Variants in PLEKHD1 observed in about 807,000 individuals in gnomAD.
PLEKHD1 encodes the protein pleckstrin homology and coiled-coil domain containing D1, also known as pleckstrin homology domain-containing family D member 1.
PLEKHD1 carries 51 observed loss-of-function variants against 69.2 expected under a neutral mutation model. The ratio of observed to expected loss-of-function variants is 0.74; its 90% CI spans 0.59 to 0.93. The LOEUF is 0.93. Ranked by LOEUF, PLEKHD1 falls within the 40% of genes least tolerant of loss-of-function variation. The probability of loss-of-function intolerance (pLI) is 0.00; values close to 1 mark genes in which losing one functional copy is unlikely to be tolerated. For synonymous variants in PLEKHD1, 236 were observed against 244.7 expected (o/e 0.96, Z 0.33); for missense variants, 584 against 641.0 (o/e 0.91, Z 0.96).
chr14:69,485,045 C>A lies in PLEKHD1; in HGVS notation c.80C>A (p.Thr27Asn). ...QADSDALDIS[T>N]KVQLYGVLWK... ...GACTCGGACGCCCTGGATATCAGCA[C>A]CAAAGTGCAGCTCTACGGCGTGCTG... is the stretch of plus-strand genomic sequence containing the variant. The change falls in exon 1 of 13, where the codon ACC becomes AAC. Residue 27 changes from threonine (T) to asparagine (N), a missense_variant. Coordinates refer to ENST00000322564, the MANE Select transcript of PLEKHD1 (RefSeq NM_001161498.2). The A allele has an allele frequency of 1.3e-6, 2 of 1,551,422 alleles. No homozygotes were observed. Among genetic ancestry groups the A allele is most frequent in the Non-Finnish European group, 1.7e-6 (2 of 1,146,898 alleles).
rs749092740 is a variant in PLEKHD1 at position 69,528,299 on chromosome 14, G to T, written c.1401G>T (p.Met467Ile). 230 of 1,551,614 alleles carry T rather than the reference G, an allele frequency of 1.5e-4. 2 individuals carry two copies. The highest frequency in any genetic ancestry group is 6.5e-5 in the Non-Finnish European group (74 of 1,146,992). The part of the protein sequence containing the change: ...FMTSQLDANN[M>I]EELKEVAKRL... ...CCTCCCAGCTGGATGCCAACAACAT[G>T]GAGGAGCTAAAGGAGGTGGCCAAGC... is the stretch of plus-strand genomic sequence containing the variant. Residue 467 changes from methionine to isoleucine, a missense_variant, in exon 13 of 13, where the codon ATG becomes ATT. By Grantham distance (10) the Met-to-Ile change is conservative. Coordinates refer to ENST00000322564, the MANE Select transcript of PLEKHD1 (RefSeq NM_001161498.2).
chr14:69,527,497 A>G (rs1424835236), intron 11 of PLEKHD1, among the ~76,000 whole-genome samples, 165 bp downstream of exon 11: 1 of 152,240 alleles, frequency 6.6e-6, no homozygotes, highest in Non-Finnish European at 1.5e-5. Flanking sequence ...GCATCTCAGC[A>G]CCACTGCTTT....
chr14:69,512,150 A>T (rs1352432609), intron 6 of PLEKHD1, among the ~76,000 whole-genome samples: 1 of 152,146 alleles, frequency 6.6e-6, no homozygotes, highest in Non-Finnish European at 1.5e-5. Flanking sequence ...GAGTTGGTCC[A>T]TTTCATCTGA....
At chr14:69,472,481 C>T in the PLEKHD1 span, among the ~76,000 whole-genome samples, 11 of 152,280 alleles carry the variant, frequency 7.2e-5, no homozygotes, top group East Asian at 1.4e-3. Flanking sequence ...ATTTCTTTTT[C>T]GGTAACGTTA....
At chr14:69,491,506 C>A (rs547481866) in intron 1 of PLEKHD1, among the ~76,000 whole-genome samples, 4 of 152,300 alleles carry the variant, frequency 2.6e-5, no homozygotes, top group African/African-American at 9.6e-5. Context: ...ATTCAAATTT[C>A]TTTCACTCTG....
At position 69,484,987 on chromosome 14, in the gene PLEKHD1, T is replaced by A; in HGVS notation, c.22T>A (p.Ser8Thr). 1 of 1,551,156 alleles carries A rather than the reference T, an allele frequency of 6.4e-7. No homozygotes were observed. Among genetic ancestry groups the A allele is most frequent in the Non-Finnish European group, 8.7e-7 (1 of 1,146,840 alleles). The change falls in exon 1 of 13, where the codon TCG becomes ACG. Residue 8 changes from serine (S) to threonine (T), a missense_variant. Ser to Thr is a moderately conservative substitution (Grantham distance 58). Coordinates refer to ENST00000322564, the MANE Select transcript of PLEKHD1 (RefSeq NM_001161498.2). MFTSKSNSVSPSPSLEQA... is the reference protein window; with the variant it reads MFTSKSNTVSPSPSLEQA... Reference sequence around the variant, plus strand: ...CAGGATGTTCACGTCCAAGTCCAACTCGGTGTCGCCCTCGCCGTCCCTGGA... The same window carrying A: ...CAGGATGTTCACGTCCAAGTCCAACACGGTGTCGCCCTCGCCGTCCCTGGA...
intron 1 of PLEKHD1, among the ~76,000 whole-genome samples, chr14:69,492,304 T>C (rs1882793992): frequency 6.6e-6 from 1 of 152,248 alleles, no homozygotes; most frequent in Non-Finnish European, 1.5e-5. Flanking sequence ...CTATTCATTC[T>C]TCAAAGCCCT....
At position 69,494,229 on chromosome 14, in the gene PLEKHD1, GTAT is replaced by G. The variant is rs201910670; in HGVS notation, c.150-5873_150-5871del. Among the ~76,000 whole-genome samples, 3 of 152,126 alleles carry G rather than the reference GTAT, an allele frequency of 2.0e-5. No homozygotes were observed. The East Asian group carries it at 5.8e-4, about 29-fold the overall frequency. On this transcript the variant is annotated intron_variant, in intron 1 of 12. Coordinates refer to ENST00000322564, the MANE Select transcript of PLEKHD1 (RefSeq NM_001161498.2). ...AGATATAGTTATTATTATTATATAG[GTAT>G]TATTATTATTATCCTCAAGTTGCAC...
intron 1 of PLEKHD1, among the ~76,000 whole-genome samples, chr14:69,494,919 C>T (rs1404841056): frequency 6.6e-6 from 1 of 152,136 alleles, no homozygotes; most frequent in Non-Finnish European, 1.5e-5. Context: ...GCCAGGTGAG[C>T]CCTCCGTTGG....
At chr14:69,518,326 C>G (rs540619054) in intron 6 of PLEKHD1, among the ~76,000 whole-genome samples, 1 of 152,298 alleles carries the variant, frequency 6.6e-6, no homozygotes, top group African/African-American at 2.4e-5. Context: ...CAGGCATGAG[C>G]CACCTCTCCC....
At chr14:69,526,852 C>A in intron 10 of PLEKHD1, 23 bp downstream of exon 10, 1 of 1,510,468 alleles carries the variant, frequency 6.6e-7, no homozygotes, top group Non-Finnish European at 8.9e-7. Flanking sequence ...CTGCTGGTGC[C>A]AGGGCCCTTC....
chr14:69,487,223 A>ACACACACC, intron 1 of PLEKHD1, among the ~76,000 whole-genome samples: 1 of 149,490 alleles, frequency 6.7e-6, no homozygotes, highest in South Asian at 2.1e-4. Context: ...ACACACACAC[A>ACACACACC]CGCTATTTAG....
chr14:69,504,467 A>C (rs1883108381), intron 6 of PLEKHD1, among the ~76,000 whole-genome samples: 1 of 145,966 alleles, frequency 6.9e-6, no homozygotes, highest in Non-Finnish European at 1.5e-5. Flanking sequence ...AAAAAGCATC[A>C]TGTCCCCTTT....
chr14:69,528,121 G>C (rs769367446), intron 12 of PLEKHD1, 129 bp from the exon 13 acceptor site: 2 of 1,405,612 alleles, frequency 1.4e-6, no homozygotes, highest in Non-Finnish European at 1.9e-6. Flanking sequence ...AAGCCCGTGT[G>C]TGTGGGAAGG....
the PLEKHD1 span, among the ~76,000 whole-genome samples, chr14:69,473,307 A>G: frequency 6.6e-6 from 1 of 152,084 alleles, no homozygotes; most frequent in Non-Finnish European, 1.5e-5. Context: ...GCCTAAGGAC[A>G]TGTTTCTCAG....
At chr14:69,527,423 G>T in intron 11 of PLEKHD1, 91 bp downstream of exon 11, 1 of 1,512,526 alleles carries the variant, frequency 6.6e-7, no homozygotes, top group Non-Finnish European at 9.0e-7. Flanking sequence ...CCCACACAGG[G>T]TCTGCTAGGC....
Position 69,529,972 on chromosome 14 carries a change from C to A in PLEKHD1, c.*1553C>A, listed in dbSNP as rs567649482. The stretch of plus-strand genomic sequence containing the variant: ...CTCCAAAGCTACCTGAGGCTATTGG[C>A]CTCCAGAAAAGGGGTCCACCTGGGA... On this transcript the variant is annotated 3_prime_UTR_variant, in exon 13 of 13. Coordinates refer to ENST00000322564, the MANE Select transcript of PLEKHD1 (RefSeq NM_001161498.2). 6.6e-6 allele frequency: 1 copy of A among 152,424 alleles called. No homozygotes were observed. The highest frequency in any genetic ancestry group is 2.4e-5 in the African/African-American group (1 of 41,588). The allele number at this position is 152,424 out of a possible 1,614,324, so 9.4% of individuals were successfully genotyped here. A position where few individuals can be genotyped will look rare whatever the true frequency, so the allele number is the denominator to read the frequency against.
Position 69,505,388 on chromosome 14 carries a change from A to G in PLEKHD1, c.555+2509A>G, listed in dbSNP as rs115819407. Reference sequence around the variant, plus strand: ...TGTCTCCTGCACTTTTCCCATCTGCACTCAGGTCAGAGATTGTCTGGGTGT... The same window carrying G: ...TGTCTCCTGCACTTTTCCCATCTGCGCTCAGGTCAGAGATTGTCTGGGTGT... On this transcript the variant is annotated intron_variant, in intron 6 of 12. Transcript: ENST00000322564. Among the ~76,000 whole-genome samples the G allele has an allele frequency of 1.7e-3, 261 of 152,244 alleles. 1 individual carries two copies. The highest frequency in any genetic ancestry group is 5.8e-3 in the African/African-American group (242 of 41,556).
At chr14:69,493,518 G>A (rs562921526) in intron 1 of PLEKHD1, among the ~76,000 whole-genome samples, 1 of 152,244 alleles carries the variant, frequency 6.6e-6, no homozygotes, top group South Asian at 2.1e-4. Flanking sequence ...TCCTAGCTCC[G>A]CCATTCTGAG....
Sources: allele counts gnomAD v4.1 joint callset (sites outside exome capture counted in the v4.1 genomes callset), GRCh38; gene constraint gnomAD v4.1.1; transcripts MANE v1.5; gene names NCBI Gene and HGNC (gene_info 2026-07-23, HGNC 2026-07-21).